The following FRK variants were observed in gnomAD, a reference collection of about 807,000 sequenced individuals.
The protein encoded by FRK is tyrosine-protein kinase FRK.
Under a neutral mutation model 56.4 loss-of-function variants are expected in FRK, and 51 were observed. The ratio of observed to expected loss-of-function variants is 0.90; its 90% CI spans 0.72 to 1.14. The LOEUF (loss-of-function observed/expected upper bound fraction) is 1.14, where lower values mean the gene tolerates loss of function less well. Ranked by LOEUF, FRK falls within the 50% of genes most tolerant of loss-of-function variation. The probability of loss-of-function intolerance (pLI) is 0.00; values close to 1 mark genes in which losing one functional copy is unlikely to be tolerated. For missense variants in FRK, 570 were observed against 601.4 expected, an observed-to-expected ratio of 0.95 and a Z score of 0.55; for synonymous variants, 245 against 217.9, an observed-to-expected ratio of 1.12 and a Z score of -1.10.
intron 2 of FRK, among the ~76,000 whole-genome samples, chr6:115,989,459 G>A (rs927473964): frequency 6.6e-6 from 1 of 151,646 alleles, no homozygotes; most frequent in African/African-American, 2.4e-5. Context: ...CTACCCCTTT[G>A]TTGAGTCCCC....
At chr6:116,089,364 T>C in the FRK span, among the ~76,000 whole-genome samples, 15 of 152,328 alleles carry the variant, frequency 9.8e-5, no homozygotes, top group Middle Eastern at 3.4e-3. Flanking sequence ...AGAGAGACAA[T>C]TCTTAGTTTT....
chr6:115,949,273 A>C (rs1052783342), intron 5 of FRK, among the ~76,000 whole-genome samples: 1 of 151,766 alleles, frequency 6.6e-6, no homozygotes, highest in Non-Finnish European at 1.5e-5. Flanking sequence ...GAATACCTTT[A>C]TTTCTTTCTC....
chr6:116,090,749 C>A, the FRK span, among the ~76,000 whole-genome samples: 2 of 152,050 alleles, frequency 1.3e-5, no homozygotes, highest in Non-Finnish European at 2.9e-5. Context: ...CCCCACACCC[C>A]CAAAAGAACA....
rs185868657 is a variant in FRK at position 116,003,532 on chromosome 6, T to C, written c.466+345A>G. Among the ~76,000 whole-genome samples the C allele has an allele frequency of 1.9e-3, 297 of 152,332 alleles. 4 individuals are homozygous for C. Among genetic ancestry groups the C allele is most frequent in the African/African-American group, 6.8e-3 (282 of 41,568 alleles). On this transcript the variant is annotated intron_variant, in intron 2 of 7. Coordinates refer to ENST00000606080, the MANE Select transcript of FRK (RefSeq NM_002031.3). ...TGCCAGAAGAAGAAAAAAATTATATTGTAGCATGATAATTTTGACAACAGT... is the reference window on the plus strand; with the variant it reads ...TGCCAGAAGAAGAAAAAAATTATATCGTAGCATGATAATTTTGACAACAGT...
At chr6:116,055,937 T>C (rs1777379005) in intron 1 of FRK, among the ~76,000 whole-genome samples, 1 of 152,172 alleles carries the variant, frequency 6.6e-6, no homozygotes, top group Non-Finnish European at 1.5e-5. Context: ...TCATTGTTGT[T>C]ATCATAACTT....
the FRK span, among the ~76,000 whole-genome samples, chr6:116,090,366 G>C: frequency 3.7e-3 from 570 of 152,318 alleles, 3 homozygotes; most frequent in African/African-American, 0.013. Flanking sequence ...GTCACATCTA[G>C]AGACAGGGTC....
chr6:115,967,729 A>G lies in FRK; in HGVS notation c.631-10T>C. On this transcript the variant is annotated splice_polypyrimidine_tract_variant and intron_variant, in intron 3 of 7. Coordinates refer to ENST00000606080, the MANE Select transcript of FRK (RefSeq NM_002031.3). The stretch of plus-strand genomic sequence containing the variant: ...GAGCTGGGACCTGGATCTGTTTCAT[A>G]GAATAATAAGAGCAATTGTTAAAAA... 1.3e-6 allele frequency: 2 copies of G among 1,544,198 alleles called. No homozygotes were observed. The highest frequency in any genetic ancestry group is 1.5e-5 in the African/African-American group (1 of 68,878).
Position 115,935,280 on chromosome 6 carries a change from G to A in FRK, c.*7134C>T, listed in dbSNP as rs1772024151. The A allele has an allele frequency of 1.3e-5, 2 of 152,386 alleles. No homozygotes were observed. Among genetic ancestry groups the A allele is most frequent in the South Asian group, 4.1e-4 (2 of 4,834 alleles). The allele number at this position is 152,386 out of a possible 1,614,324, so 9.4% of individuals were successfully genotyped here. ...ACCTCCTCTACCCAAGGGAAGCCAT[G>A]AGGGACTGTACCTGAGGAACGGTGC... On this transcript the variant is annotated 3_prime_UTR_variant, in exon 8 of 8. Coordinates refer to ENST00000606080, the MANE Select transcript of FRK (RefSeq NM_002031.3).
chr6:115,933,073 T>C lies in FRK; in HGVS notation c.*9341A>G, dbSNP rs1771984389. On this transcript the variant is annotated 3_prime_UTR_variant, in exon 8 of 8. Coordinates refer to ENST00000606080, the MANE Select transcript of FRK (RefSeq NM_002031.3). Reference sequence around the variant, plus strand: ...GTCTACCCTGTGCCTCTTTTGACCTTAGGTAACTTAAATCTATTCCCTTAT... The same window carrying C: ...GTCTACCCTGTGCCTCTTTTGACCTCAGGTAACTTAAATCTATTCCCTTAT... 1 of 152,190 alleles carries C rather than the reference T, an allele frequency of 6.6e-6. No homozygotes were observed. Among genetic ancestry groups the C allele is most frequent in the African/African-American group, 2.4e-5 (1 of 41,440 alleles). 9.4% of individuals were successfully genotyped at this position (152,190 alleles called of 1,614,324 possible). A position where few individuals can be genotyped will look rare whatever the true frequency, so the allele number is the denominator to read the frequency against.
chr6:116,044,878 C>G (rs759364246), intron 1 of FRK, among the ~76,000 whole-genome samples: 2 of 152,216 alleles, frequency 1.3e-5, no homozygotes, highest in African/African-American at 2.4e-5. Flanking sequence ...TAAGCAACTT[C>G]AGCAAAGTGT....
intron 2 of FRK, among the ~76,000 whole-genome samples, chr6:115,982,132 C>A (rs574699625): frequency 6.6e-6 from 1 of 152,086 alleles, no homozygotes; most frequent in Non-Finnish European, 1.5e-5. Flanking sequence ...ATCCTACAAT[C>A]CACTGAGGCC....
chr6:116,053,539 A>C (rs1025489910), intron 1 of FRK, among the ~76,000 whole-genome samples: 3 of 152,202 alleles, frequency 2.0e-5, no homozygotes, highest in Non-Finnish European at 4.4e-5. Context: ...TGCAGAGACA[A>C]ACCATGGAAT....
chr6:116,001,875 T>A (rs1241183721), intron 2 of FRK, among the ~76,000 whole-genome samples: 2 of 152,046 alleles, frequency 1.3e-5, no homozygotes, highest in African/African-American at 2.4e-5. Context: ...ACACAAGTAT[T>A]TCATTATTTA....
At chr6:116,090,795 CAAAG>C in the FRK span, among the ~76,000 whole-genome samples, 4 of 152,156 alleles carry the variant, frequency 2.6e-5, no homozygotes, top group African/African-American at 9.7e-5. Flanking sequence ...AAGTGACAGT[CAAAG>C]AGACATTAAG....
chr6:116,001,237 GAA>G (rs748722492), intron 2 of FRK, among the ~76,000 whole-genome samples: 5 of 128,560 alleles, frequency 3.9e-5, no homozygotes, highest in African/African-American at 2.9e-5. Flanking sequence ...GACTCTGTCT[GAA>G]AAAAAAAAAA....
At chr6:116,087,613 C>T in the FRK span, among the ~76,000 whole-genome samples, 9 of 152,200 alleles carry the variant, frequency 5.9e-5, no homozygotes, top group African/African-American at 2.2e-4. Context: ...TACAGAGTAG[C>T]CCACAGATGG....
At position 115,962,583 on chromosome 6, in the gene FRK, C is replaced by A. The variant is rs1255469268; in HGVS notation, c.799+4968G>T. ...TACAGAACTCTCCACCCCAAATCAACAGAATATACATTTTTTTCAGCACCA... is the reference window on the plus strand; with the variant it reads ...TACAGAACTCTCCACCCCAAATCAAAAGAATATACATTTTTTTCAGCACCA... On this transcript the variant is annotated intron_variant, in intron 4 of 7. Transcript: ENST00000606080. 1.1e-3 allele frequency among the ~76,000 whole-genome samples: 85 copies of A among 74,350 alleles called. 1 individual carries two copies. Among genetic ancestry groups the A allele is most frequent in the African/African-American group, 4.3e-3 (79 of 18,190 alleles). 48.8% of individuals were successfully genotyped at this position (74,350 alleles called of 152,430 possible). A position where few individuals can be genotyped will look rare whatever the true frequency, so the allele number is the denominator to read the frequency against.
At chr6:115,950,454 C>CA (rs1772689580) in intron 5 of FRK, among the ~76,000 whole-genome samples, 1 of 152,078 alleles carries the variant, frequency 6.6e-6, no homozygotes, top group African/African-American at 2.4e-5. Context: ...AAATCCAAAC[C>CA]AAAACCACAA....
Position 115,953,484 on chromosome 6 carries a change from C to T in FRK, c.958+2968G>A, listed in dbSNP as rs567877567. Among the ~76,000 whole-genome samples the T allele has an allele frequency of 1.7e-4, 26 of 152,268 alleles. 1 individual carries two copies. The highest frequency in any genetic ancestry group is 3.9e-4 in the East Asian group (2 of 5,178). On this transcript the variant is annotated intron_variant, in intron 5 of 7. Coordinates refer to ENST00000606080, the MANE Select transcript of FRK (RefSeq NM_002031.3). ...GATTACAGGCGTGAGCCACCGCGCC[C>T]GGCCCAAGGCCACTTTATTGAATGT...
Sources: allele counts gnomAD v4.1 joint callset (sites outside exome capture counted in the v4.1 genomes callset), GRCh38; gene constraint gnomAD v4.1.1; transcripts MANE v1.5; gene names NCBI Gene and HGNC (gene_info 2026-07-23, HGNC 2026-07-21).